Variants in TCIRG1 observed in about 807,000 individuals in gnomAD.
The protein encoded by TCIRG1 is T cell immune regulator 1, ATPase H+ transporting V0 subunit a3.
TCIRG1 carries 86 observed loss-of-function variants against 95.5 expected under a neutral mutation model. The observed-to-expected ratio is 0.90, with a 90% confidence interval of 0.76 to 1.08. TCIRG1 has a LOEUF of 1.08. Ranked by LOEUF, TCIRG1 falls within the 50% of genes least tolerant of loss-of-function variation. TCIRG1 has a pLI of 0.00. For synonymous variants in TCIRG1, 499 were observed against 501.3 expected, an observed-to-expected ratio of 1.00 and a Z score of 0.06; for missense variants, 1,069 against 1,140.2, an observed-to-expected ratio of 0.94 and a Z score of 0.90.
At chr11:68,049,493 T>C in intron 15 of TCIRG1, 170 bp from the exon 16 acceptor site, 1 of 1,061,726 alleles carries the variant, frequency 9.4e-7, no homozygotes, top group South Asian at 1.5e-5. Context: ...GTCCCTTCCC[T>C]CAGGAGTCCT....
chr11:68,040,566 G>A (rs1855107979), intron 1 of TCIRG1, among the ~76,000 whole-genome samples: 1 of 152,134 alleles, frequency 6.6e-6, no homozygotes, highest in African/African-American at 2.4e-5. Flanking sequence ...CCTGGGCCCT[G>A]AGAGCAGTGG....
intron 3 of TCIRG1, 68 bp from the exon 4 acceptor site, chr11:68,042,575 C>T: frequency 7.7e-7 from 1 of 1,303,066 alleles, no homozygotes; most frequent in Non-Finnish European, 1.1e-6. Context: ...GAGTTTGGGG[C>T]AGCAGGTGGG....
chr11:68,043,697 C>T, intron 7 of TCIRG1, 44 bp downstream of exon 7: 2 of 1,559,816 alleles, frequency 1.3e-6, no homozygotes, highest in Non-Finnish European at 1.7e-6. Flanking sequence ...GCTCCCCAGG[C>T]CCCTGCTGTC....
chr11:68,050,467 A>C lies in TCIRG1; in HGVS notation c.2237-20A>C, dbSNP rs746552170. 6.2e-7 allele frequency: 1 copy of C among 1,612,238 alleles called. No individual in the cohort carries two copies. On this transcript the variant is annotated intron_variant, in intron 18 of 19. Transcript: ENST00000265686. ...AGGCACCCACTTGCCGTTGGCCCCC[A>C]CTGTCTCCTTTGCTTGCAGAGCTGT... is the stretch of plus-strand genomic sequence containing the variant.
rs201661352 is a variant in TCIRG1, at chr11:68,049,290, G to A, written c.1883G>A (p.Arg628Gln). The A allele has an allele frequency of 1.5e-4, 237 of 1,607,076 alleles. No homozygotes were observed. The highest frequency in any genetic ancestry group is 3.6e-4 in the South Asian group (33 of 90,942). Residue 628 changes from arginine to glutamine, a missense_variant, in exon 15 of 20, where the codon CGG becomes CAG. Arg to Gln is a conservative substitution (Grantham distance 43). Transcript: ENST00000265686. ...HSPSNRLLYP[R>Q]QEVVQATLVV... is the part of the protein sequence containing the mutation. ...CCCAGCAACAGGCTGCTCTACCCCC[G>A]GCAGGTGGGCTGCGGCTGGTGGGGG...
intron 5 of TCIRG1, 66 bp downstream of exon 5, chr11:68,043,097 G>A: frequency 1.3e-6 from 2 of 1,548,010 alleles, no homozygotes; most frequent in Non-Finnish European, 1.7e-6. Flanking sequence ...CGCTGGGCTG[G>A]GCCAGGCTGA....
At chr11:68,051,365 C>T (rs917323061), downstream of TCIRG1, among the ~76,000 whole-genome samples, 8 of 152,200 alleles carry the variant, frequency 5.3e-5, no homozygotes, top group African/African-American at 1.7e-4. Context: ...CCCAGGACCC[C>T]GGGGTTCAGA....
Position 68,044,344 on chromosome 11 carries a change from G to A in TCIRG1, c.1020G>A (p.Ser340=), listed in dbSNP as rs144158792. The change falls in exon 9 of 20, where the codon TCG becomes TCA. Residue 340 remains serine (S), a splice_region_variant and synonymous_variant. Transcript: ENST00000265686. ...TGCAGGAGGCCCTGCGGGACAGCTC[G>A]GTGAGCAGCCTGAGGCCTCGCCCCC... ...PALQEALRDS[S]MEEGVSAVAH... 14 of 1,577,070 alleles carry A rather than the reference G, an allele frequency of 8.9e-6. No individual in the cohort carries two copies. Among genetic ancestry groups the A allele is most frequent in the African/African-American group, 6.7e-5 (5 of 74,446 alleles).
chr11:68,047,487 T>C lies in TCIRG1; in HGVS notation c.1220T>C (p.Val407Ala). 6.2e-7 allele frequency: 1 copy of C among 1,614,100 alleles called. No homozygotes were observed. Among genetic ancestry groups the C allele is most frequent in the Non-Finnish European group, 8.5e-7 (1 of 1,180,012 alleles). The part of the protein sequence containing the change: ...PFLFAVMFGD[V>A]GHGLLMFLFA... ...CTGTTTGCTGTGATGTTCGGGGATGTGGGCCACGGGCTGCTCATGTTCCTG... is the reference window on the plus strand; with the variant it reads ...CTGTTTGCTGTGATGTTCGGGGATGCGGGCCACGGGCTGCTCATGTTCCTG... The change falls in exon 11 of 20, where the codon GTG becomes GCG. Residue 407 changes from valine (V) to alanine (A), a missense_variant. Physicochemically the swap from Val to Ala is moderately conservative, Grantham distance 64. Transcript: ENST00000265686.
At chr11:68,047,291 G>T in intron 10 of TCIRG1, 142 bp from the exon 11 acceptor site, 1 of 467,802 alleles carries the variant, frequency 2.1e-6, no homozygotes, top group Non-Finnish European at 3.8e-6. Flanking sequence ...AGAGTGCTGG[G>T]ATTACAGGCA....
chr11:68,052,736 G>C (rs1025515506), downstream of TCIRG1: 1 of 152,348 alleles, frequency 6.6e-6, no homozygotes, highest in Non-Finnish European at 1.5e-5. Flanking sequence ...TGCCAGCTGA[G>C]AGCAGCGGAG....
Position 68,044,112 on chromosome 11 carries a change from G to A in TCIRG1, c.808-20G>A. Reference sequence around the variant, plus strand: ...CCCACCTGCCTGCCCAGCCCCCGCTGACTGCCCACTCTGGCGCAGGTCCTC... The same window carrying A: ...CCCACCTGCCTGCCCAGCCCCCGCTAACTGCCCACTCTGGCGCAGGTCCTC... On this transcript the variant is annotated intron_variant, in intron 8 of 19. Transcript: ENST00000265686. 6.5e-7 allele frequency: 1 copy of A among 1,544,586 alleles called. No homozygotes were observed. The highest frequency in any genetic ancestry group is 8.7e-7 in the Non-Finnish European group (1 of 1,145,670).
intron 15 of TCIRG1, 32 bp from the exon 16 acceptor site, chr11:68,049,631 G>A (rs1855690289): frequency 1.3e-6 from 2 of 1,594,790 alleles, no homozygotes; most frequent in South Asian, 1.1e-5. Flanking sequence ...TGCACAGCAG[G>A]GACGCCCTGA....
intron 8 of TCIRG1, 24 bp from the exon 9 acceptor site, chr11:68,044,108 C>T (rs765746989): frequency 1.2e-5 from 19 of 1,542,694 alleles, no homozygotes; most frequent in South Asian, 9.5e-5. Context: ...GCCCAGCCCC[C>T]GCTGACTGCC....
chr11:68,044,071 C>G (rs895331456), intron 8 of TCIRG1, 61 bp from the exon 9 acceptor site: 1 of 1,447,466 alleles, frequency 6.9e-7, no homozygotes, highest in East Asian at 2.5e-5. Flanking sequence ...GAGGTGGGTG[C>G]CCCCGGCCCA....
chr11:68,043,255 G>T (rs949361923), intron 5 of TCIRG1, 116 bp from the exon 6 acceptor site: 6 of 1,487,206 alleles, frequency 4.0e-6, no homozygotes, highest in Non-Finnish European at 5.3e-6. Context: ...CTGTGGGCAG[G>T]GCCAGTGTGC....
chr11:68,046,091 C>T lies in TCIRG1; in HGVS notation c.1165+989C>T, dbSNP rs574823844. 3.3e-5 allele frequency among the ~76,000 whole-genome samples: 5 copies of T among 152,336 alleles called. No individual in the cohort carries two copies. The East Asian group carries it at 9.7e-4, about 29-fold the overall frequency. ...CCCGTGGCAGATAGAATGCTGCCAG[C>T]TCAAAGCACCAGCCGTCGGGGCAGC... On this transcript the variant is annotated intron_variant, in intron 10 of 19. Transcript: ENST00000265686.
intron 9 of TCIRG1, 121 bp from the exon 10 acceptor site, chr11:68,044,837 G>A: frequency 7.9e-7 from 1 of 1,263,252 alleles, no homozygotes; most frequent in Non-Finnish European, 1.1e-6. Context: ...CAGAGAGAGG[G>A]GAAGGGGCTG....
At chr11:68,039,883 A>G (rs1484349494) in intron 1 of TCIRG1, 1 of 151,118 alleles carries the variant, frequency 6.6e-6, no homozygotes, top group African/African-American at 2.4e-5. Context: ...GCCCTGAGCC[A>G]GGGGTGACCC....
Sources: allele counts gnomAD v4.1 joint callset (sites outside exome capture counted in the v4.1 genomes callset), GRCh38; gene constraint gnomAD v4.1.1; transcripts MANE v1.5; gene names NCBI Gene and HGNC (gene_info 2026-07-23, HGNC 2026-07-21).